Variants in RERE observed in about 807,000 individuals in gnomAD.
The protein encoded by RERE is arginine-glutamic acid dipeptide repeats.
Under a neutral mutation model 146.1 loss-of-function variants are expected in RERE, and 40 were observed. That is an observed-to-expected ratio of 0.27 (90% CI 0.21 to 0.36). The LOEUF is 0.36. RERE is among the 10% of genes least tolerant of loss of function. The pLI is 1.00. For missense variants in RERE, 1,933 were observed against 2,138.7 expected (o/e 0.90, Z 1.90); for synonymous variants, 1,003 against 866.0 (o/e 1.16, Z -2.78).
At chr1:8,500,492 G>A (rs1395604257) in intron 8 of RERE, among the ~76,000 whole-genome samples, 18 of 152,208 alleles carry the variant, frequency 1.2e-4, no homozygotes, top group African/African-American at 2.4e-4. Context: ...GATTGCAGAC[G>A]GAGTCTCGTT....
intron 7 of RERE, among the ~76,000 whole-genome samples, chr1:8,513,957 T>C (rs1645376616): frequency 6.6e-6 from 1 of 152,236 alleles, no homozygotes; most frequent in African/African-American, 2.4e-5. Context: ...TGTAATGTCA[T>C]GCATTGGTTT....
rs766285818 is a variant in RERE at position 8,364,006 on chromosome 1, C to G, written c.1740+50G>C. On this transcript the variant is annotated intron_variant, in intron 15 of 22. Transcript: ENST00000400908. This position sits in a 1 kb window ranked among gnomAD's most constrained non-coding sequence, Gnocchi z 5.1. ...TGGGAGGCTCAAGCCCCCACACATC[C>G]CAGGAAACTGAAGAAGTTGCCAGGA... is the stretch of plus-strand genomic sequence containing the variant. 1.3e-6 allele frequency: 2 copies of G among 1,559,756 alleles called. No individual in the cohort carries two copies. The highest frequency in any genetic ancestry group is 1.8e-6 in the Non-Finnish European group (2 of 1,132,790).
At chr1:8,460,151 C>A (rs1179658840) in intron 11 of RERE, among the ~76,000 whole-genome samples, 1 of 152,186 alleles carries the variant, frequency 6.6e-6, no homozygotes, top group African/African-American at 2.4e-5. Context: ...GCCATGCAAA[C>A]AGTAAATAAA....
intron 12 of RERE, among the ~76,000 whole-genome samples, chr1:8,369,508 TAAAAAAAAAAAA>T (rs1186718390): frequency 0.012 from 906 of 76,934 alleles, 21 homozygotes; most frequent in African/African-American, 0.037. Flanking sequence ...CGCCTTTTAC[TAAAAAAAAAAAA>T]AAAAAAAAAA....
At position 8,635,612 on chromosome 1, in the gene RERE, C is replaced by T. The variant is rs116484293; in HGVS notation, c.326-11232G>A. ...TGTAATCTGTACCTTGGAAAAATTA[C>T]GTTTTGAACATCTGCGAAGACAAAA... On this transcript the variant is annotated intron_variant, in intron 2 of 22. Transcript: ENST00000400908. Among the ~76,000 whole-genome samples, 1,099 of 152,248 alleles carry T rather than the reference C, an allele frequency of 7.2e-3. 14 individuals are homozygous for T. Among genetic ancestry groups the T allele is most frequent in the African/African-American group, 0.025 (1,047 of 41,538 alleles).
chr1:8,377,432 T>C (rs1642294900), intron 12 of RERE, among the ~76,000 whole-genome samples: 1 of 152,198 alleles, frequency 6.6e-6, no homozygotes, highest in South Asian at 2.1e-4. Flanking sequence ...AAGAATTCAT[T>C]TGTTGACATC....
intron 6 of RERE, among the ~76,000 whole-genome samples, chr1:8,549,762 C>T (rs1645911630): frequency 6.6e-6 from 1 of 152,232 alleles, no homozygotes; most frequent in African/African-American, 2.4e-5. Flanking sequence ...ACATTATCAA[C>T]CTCATGAAGC....
intron 1 of RERE, chr1:8,786,157 T>G: frequency 1.8e-6 from 1 of 556,874 alleles, no homozygotes. Flanking sequence ...TACTGTTTAT[T>G]TAAACTGATC....
At chr1:8,721,299 T>C (rs1639859228) in intron 1 of RERE, among the ~76,000 whole-genome samples, 2 of 152,088 alleles carry the variant, frequency 1.3e-5, no homozygotes, top group Admixed American at 1.3e-4. Context: ...TTTGTATTTT[T>C]CCACTCAAGA....
intron 1 of RERE, among the ~76,000 whole-genome samples, chr1:8,712,459 G>T (rs916269689): frequency 2.6e-5 from 4 of 152,152 alleles, no homozygotes; most frequent in Non-Finnish European, 5.9e-5. Context: ...TGAAGAATAC[G>T]AGAGCCCTAT....
At chr1:8,382,198 T>A (rs1478907196) in intron 12 of RERE, among the ~76,000 whole-genome samples, 1 of 152,262 alleles carries the variant, frequency 6.6e-6, no homozygotes, top group Non-Finnish European at 1.5e-5. Flanking sequence ...CTAGCCATGC[T>A]GCTAGGCTCT....
intron 1 of RERE, among the ~76,000 whole-genome samples, chr1:8,773,113 A>G (rs896528260): frequency 4.6e-5 from 7 of 152,194 alleles, no homozygotes; most frequent in Non-Finnish European, 1.0e-4. Flanking sequence ...AAAATAAGTG[A>G]ATATCTGGTC....
chr1:8,675,782 C>CATA (rs1270529101), intron 1 of RERE, among the ~76,000 whole-genome samples: 4 of 151,662 alleles, frequency 2.6e-5, no homozygotes, highest in Admixed American at 2.0e-4. Flanking sequence ...TACATACATA[C>CATA]ATACAGGTTG....
At chr1:8,372,835 A>C (rs1210731064) in intron 12 of RERE, among the ~76,000 whole-genome samples, 4 of 152,142 alleles carry the variant, frequency 2.6e-5, no homozygotes, top group Admixed American at 1.3e-4. Flanking sequence ...TTGTGCCACT[A>C]GTGAGGGTCA....
At chr1:8,574,340 CTTTTTTTTT>C (rs35921166) in intron 4 of RERE, among the ~76,000 whole-genome samples, 1 of 87,218 alleles carries the variant, frequency 1.1e-5, no homozygotes, top group East Asian at 3.8e-4. Flanking sequence ...TATATATAGT[CTTTTTTTTT>C]TTTTTTTTTT....
chr1:8,508,420 T>C lies in RERE; in HGVS notation c.879+207A>G, dbSNP rs566634384. Among the ~76,000 whole-genome samples, 5 of 152,326 alleles carry C rather than the reference T, an allele frequency of 3.3e-5. No individual in the cohort carries two copies. The East Asian group carries it at 9.7e-4, about 29-fold the overall frequency. On this transcript the variant is annotated intron_variant, in intron 8 of 22. Coordinates refer to ENST00000400908, the MANE Select transcript of RERE (RefSeq NM_001042681.2). ...GGTGATGGCTATACAACAATATTAATGTACTTAACTACTGAACTTTGCACT... is the reference window on the plus strand; with the variant it reads ...GGTGATGGCTATACAACAATATTAACGTACTTAACTACTGAACTTTGCACT...
chr1:8,533,670 A>G (rs1323365945), intron 7 of RERE, among the ~76,000 whole-genome samples: 1 of 152,222 alleles, frequency 6.6e-6, no homozygotes, highest in African/African-American at 2.4e-5. Flanking sequence ...TCTAGGTTGG[A>G]AAATGTTAAC....
intron 6 of RERE, among the ~76,000 whole-genome samples, chr1:8,553,369 A>C (rs1645963344): frequency 6.6e-6 from 1 of 151,194 alleles, no homozygotes; most frequent in Non-Finnish European, 1.5e-5. Flanking sequence ...CACACACGTA[A>C]AATTGCACCA....
chr1:8,645,431 CT>C (rs1183293341), intron 2 of RERE, among the ~76,000 whole-genome samples: 1 of 152,164 alleles, frequency 6.6e-6, no homozygotes, highest in Admixed American at 6.5e-5. Flanking sequence ...ATGCTGGGTA[CT>C]AATCCTCTCA....
Sources: allele counts gnomAD v4.1 joint callset (sites outside exome capture counted in the v4.1 genomes callset), GRCh38; gene constraint gnomAD v4.1.1; non-coding constraint Gnocchi (gnomAD v3.1); transcripts MANE v1.5; gene names NCBI Gene and HGNC (gene_info 2026-07-23, HGNC 2026-07-21).